The following PCBP3 variants were observed in gnomAD, a reference collection of about 807,000 sequenced individuals.
PCBP3 encodes the protein poly(rC)-binding protein 3.
A neutral mutation model predicts 52.7 loss-of-function variants in PCBP3; 25 were observed. The observed-to-expected ratio is 0.47, with a 90% CI of 0.35 to 0.66. The LOEUF (loss-of-function observed/expected upper bound fraction) is 0.66, where lower values mean the gene tolerates loss of function less well. PCBP3 is among the 30% of genes least tolerant of loss of function. The probability of loss-of-function intolerance (pLI) is 0.01; values close to 1 mark genes in which losing one functional copy is unlikely to be tolerated. For synonymous variants in PCBP3, 162 were observed against 183.0 expected, an observed-to-expected ratio of 0.89 and a Z score of 0.93; for missense variants, 391 against 490.3, an observed-to-expected ratio of 0.80 and a Z score of 1.91.
At chr21:45,882,791 C>G (rs1488614987) in intron 5 of PCBP3, among the ~76,000 whole-genome samples, 1 of 152,148 alleles carries the variant, frequency 6.6e-6, no homozygotes, top group South Asian at 2.1e-4. Flanking sequence ...TGTCCTTCCC[C>G]GTGTGTGTTC....
intron 5 of PCBP3, among the ~76,000 whole-genome samples, chr21:45,855,176 C>T (rs887785070): frequency 2.0e-5 from 3 of 152,198 alleles, no homozygotes; most frequent in African/African-American, 7.2e-5. Flanking sequence ...TCTCTCTCTG[C>T]GCTTTCCCAC....
At chr21:45,740,390 C>A (rs2086338758) in intron 3 of PCBP3, among the ~76,000 whole-genome samples, 1 of 152,198 alleles carries the variant, frequency 6.6e-6, no homozygotes, top group African/African-American at 2.4e-5. Flanking sequence ...TTCCCTTGAT[C>A]CTTGATTTTC....
intron 2 of PCBP3, among the ~76,000 whole-genome samples, chr21:45,687,319 A>C (rs757921085): frequency 2.7e-4 from 41 of 152,350 alleles, no homozygotes; most frequent in Non-Finnish European, 5.3e-4. Flanking sequence ...AATTTAGGTA[A>C]TAAGAGAAGT....
chr21:45,815,014 A>G (rs1185016115), intron 4 of PCBP3, among the ~76,000 whole-genome samples: 59 of 64,330 alleles, frequency 9.2e-4, no homozygotes, highest in African/African-American at 9.7e-4. Context: ...GTGGTGAGTG[A>G]TGAGTGAGTG....
rs1439318443 is a variant in PCBP3 at position 45,817,031 on chromosome 21, A to G, written c.-125-32930A>G. ...TCTAATTTTAAGGGACGGCTGTGGTATATGGCACGTCTGTTGTTGCCTGAA... is the reference window on the plus strand; with the variant it reads ...TCTAATTTTAAGGGACGGCTGTGGTGTATGGCACGTCTGTTGTTGCCTGAA... On this transcript the variant is annotated intron_variant, in intron 4 of 17. Coordinates refer to ENST00000681687, the MANE Select transcript of PCBP3 (RefSeq NM_001384156.1). This position sits in a 1 kb window ranked among gnomAD's most constrained non-coding sequence, Gnocchi z 4.3. 6.6e-6 allele frequency among the ~76,000 whole-genome samples: 1 copy of G among 152,100 alleles called. No individual in the cohort carries two copies. The highest frequency in any genetic ancestry group is 1.5e-5 in the Non-Finnish European group (1 of 68,024).
At chr21:45,815,989 A>AGTGAGTG (rs1302119155) in intron 4 of PCBP3, among the ~76,000 whole-genome samples, 12 of 105,362 alleles carry the variant, frequency 1.1e-4, no homozygotes, top group Non-Finnish European at 2.3e-4. Context: ...GTGAGTGGTG[A>AGTGAGTG]GTGAGTGGTG....
At chr21:45,691,065 A>T in intron 2 of PCBP3, among the ~76,000 whole-genome samples, 1 of 152,286 alleles carries the variant, frequency 6.6e-6, no homozygotes, top group East Asian at 1.9e-4. Context: ...GACATGTACA[A>T]AAGTGTTCAC....
chr21:45,870,473 G>A lies in PCBP3; in HGVS notation c.10+20378G>A, dbSNP rs2094955662. Reference sequence around the variant, plus strand: ...ATGCACACCCTTCCTAGGGCAGCAGGGAGGCCGGGAGCTGCGTCTCCTGCT... The same window carrying A: ...ATGCACACCCTTCCTAGGGCAGCAGAGAGGCCGGGAGCTGCGTCTCCTGCT... On this transcript the variant is annotated intron_variant, in intron 5 of 17. Coordinates refer to ENST00000681687, the MANE Select transcript of PCBP3 (RefSeq NM_001384156.1). Among the ~76,000 whole-genome samples the A allele has an allele frequency of 2.0e-5, 3 of 152,196 alleles. No individual in the cohort carries two copies. The South Asian group carries it at 6.2e-4, about 31-fold the overall frequency.
chr21:45,865,389 C>T (rs984008388), intron 5 of PCBP3, among the ~76,000 whole-genome samples: 1 of 152,224 alleles, frequency 6.6e-6, no homozygotes, highest in Non-Finnish European at 1.5e-5. Context: ...GCATGCCCTG[C>T]GCGGCCGGTG....
chr21:45,820,960 G>A (rs964690207), intron 4 of PCBP3, among the ~76,000 whole-genome samples: 6 of 152,168 alleles, frequency 3.9e-5, no homozygotes, highest in Non-Finnish European at 8.8e-5. Context: ...CCACAGCAGT[G>A]ATAGCACACC....
intron 1 of PCBP3, among the ~76,000 whole-genome samples, chr21:45,666,436 C>A (rs2080801262): frequency 6.6e-6 from 1 of 152,054 alleles, no homozygotes; most frequent in Non-Finnish European, 1.5e-5. Context: ...ATAGTTATAT[C>A]TTTACTGGTG....
At chr21:45,938,892 A>C (rs946051021) in intron 16 of PCBP3, among the ~76,000 whole-genome samples, 1 of 152,182 alleles carries the variant, frequency 6.6e-6, no homozygotes, top group African/African-American at 2.4e-5. Context: ...CCTGTGTCCC[A>C]CCATGGAGCT....
At chr21:45,935,148 T>C (rs548461616) in intron 15 of PCBP3, 105 bp from the exon 16 acceptor site, 1 of 764,728 alleles carries the variant, frequency 1.3e-6, no homozygotes, top group East Asian at 2.6e-5. Context: ...TTGGGCCAGC[T>C]CTACAGCCCT....
intron 1 of PCBP3, among the ~76,000 whole-genome samples, chr21:45,663,076 C>T (rs2080520133): frequency 6.6e-6 from 1 of 152,210 alleles, no homozygotes; most frequent in South Asian, 2.1e-4. Context: ...ATCCTGTACA[C>T]CTGGCTCTGC....
At chr21:45,749,054 G>C (rs1028412663) in intron 3 of PCBP3, among the ~76,000 whole-genome samples, 1 of 152,168 alleles carries the variant, frequency 6.6e-6, no homozygotes, top group South Asian at 2.1e-4. Flanking sequence ...TGAGAAGATG[G>C]TTTCCATAAT....
At chr21:45,757,255 G>A (rs1280122419) in intron 4 of PCBP3, among the ~76,000 whole-genome samples, 2 of 152,160 alleles carry the variant, frequency 1.3e-5, no homozygotes, top group Non-Finnish European at 2.9e-5. Flanking sequence ...CTGTGGTATT[G>A]ATTAGCATTT....
intron 17 of PCBP3, 73 bp downstream of exon 17, chr21:45,940,272 G>A (rs1210586678): frequency 2.3e-5 from 32 of 1,364,288 alleles, no homozygotes; most frequent in South Asian, 4.0e-5. Context: ...TCACCTGGAC[G>A]GTCGGGGGGT....
At chr21:45,780,830 C>G (rs564896592) in intron 4 of PCBP3, among the ~76,000 whole-genome samples, 3 of 152,166 alleles carry the variant, frequency 2.0e-5, no homozygotes, top group Non-Finnish European at 4.4e-5. Flanking sequence ...TGCGCCAACA[C>G]TTTTATTGGA....
intron 4 of PCBP3, chr21:45,762,442 G>A (rs915558348): frequency 2.0e-5 from 3 of 150,764 alleles, no homozygotes; most frequent in African/African-American, 7.3e-5. Context: ...AGTCAGTCCT[G>A]TCTTAAGGGA....
Sources: allele counts gnomAD v4.1 joint callset (sites outside exome capture counted in the v4.1 genomes callset), GRCh38; gene constraint gnomAD v4.1.1; non-coding constraint Gnocchi (gnomAD v3.1); transcripts MANE v1.5; gene names NCBI Gene and HGNC (gene_info 2026-07-23, HGNC 2026-07-21).